CREB5: variants seen among roughly 807,000 people sequenced by gnomAD.
The protein encoded by CREB5 is cyclic AMP-responsive element-binding protein 5.
In CREB5, 19 loss-of-function variants were observed where a neutral mutation model predicts 57.1. The ratio of observed to expected loss-of-function variants is 0.33; its 90% CI spans 0.23 to 0.49. The LOEUF (loss-of-function observed/expected upper bound fraction) is 0.49, where lower values mean the gene tolerates loss of function less well. Ranked by LOEUF, CREB5 falls within the 20% of genes least tolerant of loss-of-function variation. The probability of loss-of-function intolerance (pLI) is 0.99; values close to 1 mark genes in which losing one functional copy is unlikely to be tolerated. For synonymous variants in CREB5, 238 were observed against 238.3 expected (o/e 1.00, Z 0.01); for missense variants, 579 against 671.6 (o/e 0.86, Z 1.52).
In CREB5 at chr7:28,543,578, T is replaced by TAAAA. The variant is rs34533813; in HGVS notation, c.292-26767_292-26764dup. Among the ~76,000 whole-genome samples the TAAAA allele has an allele frequency of 2.0e-3, 187 of 92,306 alleles. 4 individuals carry two copies. Among genetic ancestry groups the TAAAA allele is most frequent in the Middle Eastern group, 0.017 (3 of 172 alleles). 60.6% of individuals were successfully genotyped at this position (92,306 alleles called of 152,430 possible). A position where few individuals can be genotyped will look rare whatever the true frequency, so the allele number is the denominator to read the frequency against. ...TCTGTCTTTCAAATATCATTTTAGG[T>TAAAA]AAAAAAAAAAAAAAAAAAAAAAAGT... On this transcript the variant is annotated intron_variant, in intron 4 of 10. Transcript: ENST00000357727.
chr7:28,426,084 G>C (rs979468988), intron 1 of CREB5, among the ~76,000 whole-genome samples: 7 of 152,168 alleles, frequency 4.6e-5, no homozygotes, highest in African/African-American at 1.7e-4. Flanking sequence ...TCCTTGTCCT[G>C]TCTCCTTCTA....
intron 5 of CREB5, among the ~76,000 whole-genome samples, chr7:28,597,612 G>A (rs1796734930): frequency 6.6e-6 from 1 of 152,120 alleles, no homozygotes; most frequent in African/African-American, 2.4e-5. Flanking sequence ...TTTTAATTTG[G>A]TGTTGGACCA....
intron 3 of CREB5, among the ~76,000 whole-genome samples, chr7:28,500,189 A>G (rs1281087964): frequency 1.3e-5 from 2 of 152,222 alleles, no homozygotes; most frequent in Non-Finnish European, 2.9e-5. Context: ...AAAAACCCAG[A>G]TAAGTAAATA....
chr7:28,332,576 T>C (rs1276080927), intron 1 of CREB5, among the ~76,000 whole-genome samples: 1 of 152,158 alleles, frequency 6.6e-6, no homozygotes, highest in Non-Finnish European at 1.5e-5. Flanking sequence ...CTGTACACCT[T>C]CCCGTCTCCT....
At chr7:28,409,137 G>T (rs1160788931), upstream of CREB5, among the ~76,000 whole-genome samples, 1 of 151,094 alleles carries the variant, frequency 6.6e-6, no homozygotes, top group Non-Finnish European at 1.5e-5. The surrounding 1 kb of genome is among the most constrained non-coding windows in gnomAD (Gnocchi z 4.4). Context: ...TGTTGCTTGC[G>T]CAGTCGCCCC....
chr7:28,449,041 A>T (rs1789647701), intron 1 of CREB5, among the ~76,000 whole-genome samples: 1 of 152,152 alleles, frequency 6.6e-6, no homozygotes, highest in Non-Finnish European at 1.5e-5. Flanking sequence ...TACCTTTTTT[A>T]AAATGGCATT....
intron 4 of CREB5, among the ~76,000 whole-genome samples, chr7:28,511,173 A>G (rs445392): frequency 6.6e-6 from 1 of 151,490 alleles, no homozygotes; most frequent in Non-Finnish European, 1.5e-5. Context: ...TGGAGAAAGG[A>G]ATAGCAGGGA....
chr7:28,431,765 G>A (rs112409536), intron 1 of CREB5, among the ~76,000 whole-genome samples: 12 of 152,190 alleles, frequency 7.9e-5, no homozygotes, highest in South Asian at 6.2e-4. Flanking sequence ...GTACAGAGGC[G>A]TTCTGGTGGT....
intron 1 of CREB5, among the ~76,000 whole-genome samples, chr7:28,344,013 A>G (rs1562666467): frequency 6.7e-6 from 1 of 149,880 alleles, no homozygotes; most frequent in Non-Finnish European, 1.5e-5. Context: ...TTAGAGAAGT[A>G]TCTATTCAGA....
chr7:28,404,979 G>T (rs1787546917), intron 1 of CREB5, among the ~76,000 whole-genome samples: 2 of 152,184 alleles, frequency 1.3e-5, no homozygotes, highest in Admixed American at 6.5e-5. Flanking sequence ...TAAGAGTAAG[G>T]TTCCAGCTGC....
chr7:28,732,026 C>A (rs1190610889), intron 7 of CREB5, among the ~76,000 whole-genome samples: 1 of 152,146 alleles, frequency 6.6e-6, no homozygotes, highest in African/African-American at 2.4e-5. Flanking sequence ...CTGCATGGGT[C>A]TTCCTCGGGT....
chr7:28,347,400 A>G (rs1786081866), intron 1 of CREB5, among the ~76,000 whole-genome samples: 1 of 152,228 alleles, frequency 6.6e-6, no homozygotes, highest in Admixed American at 6.5e-5. Flanking sequence ...AAAGAGGACA[A>G]CAGTGTTTAG....
intron 7 of CREB5, among the ~76,000 whole-genome samples, chr7:28,730,241 T>C (rs1327052197): frequency 6.6e-6 from 1 of 152,196 alleles, no homozygotes; most frequent in Non-Finnish European, 1.5e-5. Flanking sequence ...TAAAGTGCAG[T>C]GGAGGGACCA....
intron 5 of CREB5, among the ~76,000 whole-genome samples, chr7:28,572,102 C>A: frequency 6.6e-6 from 1 of 152,102 alleles, no homozygotes; most frequent in Non-Finnish European, 1.5e-5. Flanking sequence ...TAGGATATTC[C>A]AGAAGGGGCA....
In CREB5 at chr7:28,540,140, C is replaced by T. The variant is rs556337332; in HGVS notation, c.292-30225C>T. Among the ~76,000 whole-genome samples, 18 of 152,208 alleles carry T rather than the reference C, an allele frequency of 1.2e-4. No homozygotes were observed. The South Asian group carries it at 3.1e-3, about 26-fold the overall frequency. ...AGTTTCTCAGCTTATTTTATAATAT[C>T]GACCACCTGGTCTTTTGCTCAATGT... On this transcript the variant is annotated intron_variant, in intron 4 of 10. Coordinates refer to ENST00000357727, the MANE Select transcript of CREB5 (RefSeq NM_182898.4).
chr7:28,413,425 G>C (rs1366538796), intron 1 of CREB5, among the ~76,000 whole-genome samples: 1 of 152,070 alleles, frequency 6.6e-6, no homozygotes, highest in Non-Finnish European at 1.5e-5. Flanking sequence ...AAAAGAAGAA[G>C]TATAATAAAA....
At chr7:28,306,555 G>GTTTTTTTTTTTTTT (rs869277871) in intron 1 of CREB5, among the ~76,000 whole-genome samples, 42 of 58,082 alleles carry the variant, frequency 7.2e-4, no homozygotes, top group African/African-American at 9.7e-4. Flanking sequence ...TGTTTTTTTT[G>GTTTTTTTTTTTTTT]TTTTTTTTTT....
At chr7:28,384,907 T>G (rs946514591) in intron 1 of CREB5, among the ~76,000 whole-genome samples, 22 of 152,182 alleles carry the variant, frequency 1.4e-4, no homozygotes, top group African/African-American at 4.6e-4. Flanking sequence ...ATGTGAAAAT[T>G]CAAATGTGGC....
intron 1 of CREB5, among the ~76,000 whole-genome samples, chr7:28,392,093 AG>A (rs1327390724): frequency 6.6e-6 from 1 of 152,174 alleles, no homozygotes; most frequent in Non-Finnish European, 1.5e-5. Context: ...GGACACAAAG[AG>A]GGGAACAACA....
Sources: allele counts gnomAD v4.1 joint callset (sites outside exome capture counted in the v4.1 genomes callset), GRCh38; gene constraint gnomAD v4.1.1; non-coding constraint Gnocchi (gnomAD v3.1); transcripts MANE v1.5; gene names NCBI Gene and HGNC (gene_info 2026-07-23, HGNC 2026-07-21).